The following RASA3 variants were observed in gnomAD, a reference collection of about 807,000 sequenced individuals.
The protein encoded by RASA3 is ras GTPase-activating protein 3.
Under a neutral mutation model 110.0 loss-of-function variants are expected in RASA3, and 73 were observed. That is an observed-to-expected ratio of 0.66 (90% CI 0.55 to 0.81). The LOEUF (loss-of-function observed/expected upper bound fraction) is 0.81, where lower values mean the gene tolerates loss of function less well. Ranked by LOEUF, RASA3 falls within the 30% of genes least tolerant of loss-of-function variation. The pLI, the probability that RASA3 is intolerant of heterozygous loss-of-function variation, is 0.00. For missense variants in RASA3, 976 were observed against 1,113.2 expected (o/e 0.88, Z 1.75); for synonymous variants, 500 against 451.4 (o/e 1.11, Z -1.37).
chr13:114,037,909 C>T (rs542419144), intron 4 of RASA3, among the ~76,000 whole-genome samples: 4 of 151,338 alleles, frequency 2.6e-5, no homozygotes, highest in South Asian at 4.2e-4. Flanking sequence ...CACGGCCGTC[C>T]GTTCGGGGGA....
chr13:113,994,612 G>C (rs549863873), intron 21 of RASA3, among the ~76,000 whole-genome samples: 1 of 152,156 alleles, frequency 6.6e-6, no homozygotes, highest in South Asian at 2.1e-4. Context: ...CACCACCCTG[G>C]GCAACATGGA....
chr13:114,019,412 C>A (rs1412939921), intron 9 of RASA3, among the ~76,000 whole-genome samples: 1 of 152,242 alleles, frequency 6.6e-6, no homozygotes, highest in Admixed American at 6.5e-5. Context: ...TTTGGTTCTA[C>A]CCCACGCAGT....
chr13:114,128,853 C>T (rs996269302), intron 1 of RASA3, among the ~76,000 whole-genome samples: 5 of 152,208 alleles, frequency 3.3e-5, no homozygotes, highest in Non-Finnish European at 7.3e-5. Context: ...CATTCCCGGA[C>T]GCTGACCGCC....
chr13:114,068,763 G>A (rs2079501261), intron 2 of RASA3, among the ~76,000 whole-genome samples: 1 of 152,232 alleles, frequency 6.6e-6, no homozygotes, highest in African/African-American at 2.4e-5. Context: ...GGTATGGATT[G>A]TGAACACAGT....
chr13:114,014,957 AGGGCTGGGGTCCCCT>A lies in RASA3; in HGVS notation c.1405+237_1405+251del, dbSNP rs1325481870. Among the ~76,000 whole-genome samples, 1 of 151,678 alleles carries A rather than the reference AGGGCTGGGGTCCCCT, an allele frequency of 6.6e-6. No homozygotes were observed. Among genetic ancestry groups the A allele is most frequent in the East Asian group, 1.9e-4 (1 of 5,154 alleles). On this transcript the variant is annotated intron_variant, in intron 14 of 23. Coordinates refer to ENST00000334062, the MANE Select transcript of RASA3 (RefSeq NM_007368.4). The surrounding 1 kb of genome is among the most constrained non-coding windows in gnomAD (Gnocchi z 4.5). ...AGAGACCACTGCGGTGGTGATCTCC[AGGGCTGGGGTCCCCT>A]GGAGACTACTGTGGAGGTGAACTCC... is the stretch of plus-strand genomic sequence containing the variant.
intron 4 of RASA3, among the ~76,000 whole-genome samples, chr13:114,039,759 C>G (rs113477455): frequency 3.3e-5 from 5 of 152,348 alleles, no homozygotes; most frequent in African/African-American, 1.2e-4. Flanking sequence ...CCGTGAGCAG[C>G]TGTGAACACA....
Position 114,011,156 on chromosome 13 carries a change from A to G in RASA3, c.1590+15T>C. 2 of 1,594,474 alleles carry G rather than the reference A, an allele frequency of 1.3e-6. No individual in the cohort carries two copies. Among genetic ancestry groups the G allele is most frequent in the Non-Finnish European group, 1.7e-6 (2 of 1,163,318 alleles). The stretch of plus-strand genomic sequence containing the variant: ...AGTTGTCCCTAAAAAGAGAAAATGA[A>G]GAAGAGGGACTCACAGATTTGGACT... On this transcript the variant is annotated intron_variant, in intron 16 of 23. Coordinates refer to ENST00000334062, the MANE Select transcript of RASA3 (RefSeq NM_007368.4). This position sits in a 1 kb window ranked among gnomAD's most constrained non-coding sequence, Gnocchi z 4.8.
At chr13:114,098,405 G>A (rs1594451001) in intron 1 of RASA3, among the ~76,000 whole-genome samples, 1 of 152,290 alleles carries the variant, frequency 6.6e-6, no homozygotes, top group East Asian at 1.9e-4. Flanking sequence ...ACATCCAGGG[G>A]TCTGCACCAG....
At chr13:114,121,248 C>G (rs35880541) in intron 1 of RASA3, among the ~76,000 whole-genome samples, 1 of 152,214 alleles carries the variant, frequency 6.6e-6, no homozygotes, top group South Asian at 2.1e-4. Context: ...CCCCCGTGCC[C>G]CAAACACATC....
chr13:114,113,233 C>T (rs2080241007), intron 1 of RASA3, among the ~76,000 whole-genome samples: 1 of 152,252 alleles, frequency 6.6e-6, no homozygotes, highest in African/African-American at 2.4e-5. Context: ...GGCACATCGT[C>T]TCTCACAGGC....
chr13:114,018,800 G>C lies in RASA3; in HGVS notation c.905C>G (p.Pro302Arg). ...AGACTTCAACAGCAGGTCCCGCAGA[G>C]GGCTGTAATAGTCAGAAGAAAACAC... ...DHVFSSDYYS[P>R]LRDLLLKSAD... The change falls in exon 10 of 24, where the codon CCT becomes CGT. Residue 302 changes from proline to arginine, a missense_variant. Physicochemically the swap from Pro to Arg is moderately radical, Grantham distance 103. Coordinates refer to ENST00000334062, the MANE Select transcript of RASA3 (RefSeq NM_007368.4). The C allele has an allele frequency of 6.2e-7, 1 of 1,613,644 alleles. No homozygotes were observed. Among genetic ancestry groups the C allele is most frequent in the Admixed American group, 1.7e-5 (1 of 60,018 alleles).
At chr13:114,077,781 C>T (rs997578073) in intron 1 of RASA3, 75 of 974,202 alleles carry the variant, frequency 7.7e-5, no homozygotes, top group Non-Finnish European at 8.7e-5. Flanking sequence ...CCTCCCTCCC[C>T]GCCCGATGGC....
In RASA3 at chr13:114,130,877, A is replaced by G. The variant is rs569924456; in HGVS notation, c.55+1558T>C. Among the ~76,000 whole-genome samples the G allele has an allele frequency of 4.6e-5, 7 of 152,198 alleles. No individual in the cohort carries two copies. The South Asian group carries it at 1.5e-3, about 32-fold the overall frequency. On this transcript the variant is annotated intron_variant, in intron 1 of 23. Transcript: ENST00000334062. ...AAGCCCAGTGCTTCTCACACTCCTC[A>G]GACTCGCTGGCTGAGCCAAGCAGCC...
In RASA3 at chr13:114,096,020, G is replaced by C. The variant is rs7995826; in HGVS notation, c.56-22183C>G. On this transcript the variant is annotated intron_variant, in intron 1 of 23. Coordinates refer to ENST00000334062, the MANE Select transcript of RASA3 (RefSeq NM_007368.4). The surrounding 1 kb of genome is among the most constrained non-coding windows in gnomAD (Gnocchi z 5.1). ...CGTTAATTTTTCACACAACGACTGG[G>C]AAAATCTGCCTACAGGAAGATGCCA... Among the ~76,000 whole-genome samples the C allele has an allele frequency of 0.97, 147,546 of 152,300 alleles. 71,657 individuals carry two copies. Among genetic ancestry groups the C allele is most frequent in the East Asian group, 1 (5,168 of 5,168 alleles).
At chr13:114,126,260 A>G (rs1482154654) in intron 1 of RASA3, among the ~76,000 whole-genome samples, 2 of 152,142 alleles carry the variant, frequency 1.3e-5, no homozygotes, top group Non-Finnish European at 2.9e-5. Context: ...ATGACACCAC[A>G]TCCCCACGGG....
At chr13:113,989,680 T>C (rs1200080352) in intron 22 of RASA3, among the ~76,000 whole-genome samples, 1 of 149,666 alleles carries the variant, frequency 6.7e-6, no homozygotes, top group Non-Finnish European at 1.5e-5. Context: ...CATCCATCCA[T>C]CCACCCGTCA....
chr13:114,132,485 G>A lies in RASA3; in HGVS notation c.5C>T (p.Ala2Val), dbSNP rs1200479395. M[A>V]VEDEGLRVFQ... is the part of the protein sequence containing the mutation. The stretch of plus-strand genomic sequence containing the variant: ...GACCCGGAGCCCCTCGTCCTCCACC[G>A]CCATGCTGCGCGTCCGCGCCCGCCG... Residue 2 changes from alanine (A) to valine (V), a missense_variant, in exon 1 of 24, where the codon GCG becomes GTG. By Grantham distance (64) the Ala-to-Val change is moderately conservative. Coordinates refer to ENST00000334062, the MANE Select transcript of RASA3 (RefSeq NM_007368.4). 5 of 1,485,504 alleles carry A rather than the reference G, an allele frequency of 3.4e-6. No individual in the cohort carries two copies. Among genetic ancestry groups the A allele is most frequent in the East Asian group, 2.9e-5 (1 of 34,276 alleles). The allele number at this position is 1,485,504 out of a possible 1,614,324, so 92.0% of individuals were successfully genotyped here.
intron 3 of RASA3, among the ~76,000 whole-genome samples, chr13:114,049,912 G>A (rs1039730193): frequency 3.9e-5 from 6 of 152,252 alleles, no homozygotes; most frequent in African/African-American, 1.4e-4. Context: ...GTCACGGAGG[G>A]CAGCCCACCC....
intron 13 of RASA3, 31 bp from the exon 14 acceptor site, chr13:114,015,363 C>G: frequency 6.2e-7 from 1 of 1,609,654 alleles, no homozygotes; most frequent in East Asian, 2.2e-5. Flanking sequence ...GGGACCCACT[C>G]CCGAGGCTGC....
Sources: allele counts gnomAD v4.1 joint callset (sites outside exome capture counted in the v4.1 genomes callset), GRCh38; gene constraint gnomAD v4.1.1; non-coding constraint Gnocchi (gnomAD v3.1); transcripts MANE v1.5; gene names NCBI Gene and HGNC (gene_info 2026-07-23, HGNC 2026-07-21).